CCDC62: variants seen among roughly 807,000 people sequenced by gnomAD.
The protein encoded by CCDC62 is coiled-coil domain containing 62, also known as coiled-coil domain-containing protein 62.
A neutral mutation model predicts 80.8 loss-of-function variants in CCDC62; 72 were observed. That is an observed-to-expected ratio of 0.89 (90% CI 0.74 to 1.08). CCDC62 has a LOEUF of 1.08. Ranked by LOEUF, CCDC62 falls within the 50% of genes least tolerant of loss-of-function variation. The pLI is 0.00. For missense variants in CCDC62, 704 were observed against 809.4 expected, an observed-to-expected ratio of 0.87 and a Z score of 1.58; for synonymous variants, 286 against 296.5, an observed-to-expected ratio of 0.96 and a Z score of 0.36.
At chr12:122,779,354 T>C (rs1265638594) in intron 2 of CCDC62, among the ~76,000 whole-genome samples, 1 of 152,136 alleles carries the variant, frequency 6.6e-6, no homozygotes, top group Non-Finnish European at 1.5e-5. Context: ...TGCAAAATCA[T>C]TTGGCAGCAT....
intron 10 of CCDC62, among the ~76,000 whole-genome samples, chr12:122,810,410 C>A (rs987675508): frequency 5.9e-5 from 9 of 152,174 alleles, no homozygotes; most frequent in African/African-American, 2.2e-4. Context: ...CCAACAGACA[C>A]ATGAAAAAAT....
intron 11 of CCDC62, among the ~76,000 whole-genome samples, chr12:122,821,054 TG>T (rs1239396280): frequency 6.6e-6 from 1 of 152,008 alleles, no homozygotes; most frequent in African/African-American, 2.4e-5. Context: ...CGGAATGCAC[TG>T]GGGTCTTTCC....
At chr12:122,826,360 A>G in intron 12 of CCDC62, 62 bp from the exon 13 acceptor site, 1 of 766,384 alleles carries the variant, frequency 1.3e-6, no homozygotes, top group Non-Finnish European at 2.4e-6. Context: ...AGCTTATAGC[A>G]TGCTCTCCAA....
chr12:122,781,466 A>G, intron 3 of CCDC62, 136 bp downstream of exon 3: 1 of 735,682 alleles, frequency 1.4e-6, no homozygotes, highest in Middle Eastern at 2.8e-4. Flanking sequence ...CAGGTGGATC[A>G]CCTGAGGTCA....
intron 2 of CCDC62, among the ~76,000 whole-genome samples, chr12:122,779,308 G>A (rs560071337): frequency 6.6e-6 from 1 of 152,320 alleles, no homozygotes; most frequent in South Asian, 2.1e-4. Flanking sequence ...GGAAAGCTGA[G>A]ACGCTGCTGG....
At chr12:122,784,591 G>A (rs2030094312) in intron 3 of CCDC62, among the ~76,000 whole-genome samples, 1 of 152,146 alleles carries the variant, frequency 6.6e-6, no homozygotes, top group Admixed American at 6.5e-5. Context: ...AGCACTTTGG[G>A]AGGCCAAGGT....
intron 2 of CCDC62, among the ~76,000 whole-genome samples, chr12:122,780,313 C>T (rs1380818355): frequency 3.2e-4 from 33 of 102,490 alleles, no homozygotes; most frequent in South Asian, 2.1e-3. Context: ...TCCGTCTCAA[C>T]GAAAAAAAAA....
At chr12:122,817,920 T>C (rs2032235386) in intron 11 of CCDC62, among the ~76,000 whole-genome samples, 2 of 152,066 alleles carry the variant, frequency 1.3e-5, no homozygotes. Context: ...CTCAGGACCC[T>C]TCTCCACCTT....
At position 122,774,606 on chromosome 12, in the gene CCDC62, C is replaced by T; in HGVS notation, c.-65C>T. 1 of 1,189,412 alleles carries T rather than the reference C, an allele frequency of 8.4e-7. No homozygotes were observed. The highest frequency in any genetic ancestry group is 1.1e-6 in the Non-Finnish European group (1 of 939,368). The allele number at this position is 1,189,412 out of a possible 1,614,324, so 73.7% of individuals were successfully genotyped here. A position where few individuals can be genotyped will look rare whatever the true frequency, so the allele number is the denominator to read the frequency against. The stretch of plus-strand genomic sequence containing the variant: ...TCGCCCCCGCCGCTCGGGGCAGGCG[C>T]GCCGATGGCGTTTCTGAGGTGACGC... On this transcript the variant is annotated 5_prime_UTR_variant, in exon 1 of 13. Coordinates refer to ENST00000253079, the MANE Select transcript of CCDC62 (RefSeq NM_201435.5).
Position 122,801,248 on chromosome 12 carries a change from T to C in CCDC62, c.1102T>C (p.Ser368Pro), listed in dbSNP as rs775504326. The C allele has an allele frequency of 6.2e-7, 1 of 1,614,032 alleles. No individual in the cohort carries two copies. Residue 368 changes from serine to proline, a missense_variant, in exon 9 of 13, where the codon TCA becomes CCA. Transcript: ENST00000253079. ...FEAMLVQQNR[S>P]DKSSCDECKE... Reference sequence around the variant, plus strand: ...AGCCATGTTGGTTCAGCAAAATAGGTCAGACAAGAGCTCTTGCGATGAATG... The same window carrying C: ...AGCCATGTTGGTTCAGCAAAATAGGCCAGACAAGAGCTCTTGCGATGAATG...
At chr12:122,810,775 G>A (rs2031833846) in intron 10 of CCDC62, among the ~76,000 whole-genome samples, 1 of 152,078 alleles carries the variant, frequency 6.6e-6, no homozygotes, top group Non-Finnish European at 1.5e-5. Context: ...CAACCCAAAT[G>A]TCCAAAAATG....
intron 3 of CCDC62, among the ~76,000 whole-genome samples, chr12:122,783,583 T>C (rs181398599): frequency 8.5e-5 from 13 of 152,270 alleles, no homozygotes; most frequent in African/African-American, 2.4e-4. Context: ...AATGAGTCTT[T>C]ATTCATAATA....
Position 122,826,686 on chromosome 12 carries a change from G to T in CCDC62, c.*305G>T, listed in dbSNP as rs2032644435. ...TGCTAAGAATGAAAAAGACTTCTCT[G>T]TAAAGATACGGACTACAGTTAAATG... On this transcript the variant is annotated 3_prime_UTR_variant, in exon 13 of 13. Transcript: ENST00000253079. 9.6e-6 allele frequency: 4 copies of T among 418,122 alleles called. No homozygotes were observed. The East Asian group carries it at 1.4e-4, about 15-fold the overall frequency. The allele number at this position is 418,122 out of a possible 1,614,324, so 25.9% of individuals were successfully genotyped here.
In CCDC62 at chr12:122,792,111, G is replaced by T. The variant is rs760146684; in HGVS notation, c.762G>T (p.Leu254Phe). ...KQEKSCLHDE[L>F]LFTVEREKRK... Reference sequence around the variant, plus strand: ...AGAAAAGTTGCCTGCACGATGAATTGCTTTTTACTGGTAAAACAGATGATC... The same window carrying T: ...AGAAAAGTTGCCTGCACGATGAATTTCTTTTTACTGGTAAAACAGATGATC... Residue 254 changes from leucine (L) to phenylalanine (F), a missense_variant, in exon 6 of 13, where the codon TTG becomes TTT. Transcript: ENST00000253079. The T allele has an allele frequency of 1.3e-6, 2 of 1,598,240 alleles. No homozygotes were observed. The highest frequency in any genetic ancestry group is 1.7e-6 in the Non-Finnish European group (2 of 1,165,888).
At position 122,788,875 on chromosome 12, in the gene CCDC62, C is replaced by G. The variant is rs952306924; in HGVS notation, c.616C>G (p.Gln206Glu). ...GGAGACTTGTATTGTGAAAGAAAAG[C>G]AAGATTATAAGCAGAAATTGAAGGC... ...MAETCIVKEK[Q>E]DYKQKLKALK... The change falls in exon 5 of 13, where the codon CAA becomes GAA. Residue 206 changes from glutamine to glutamate, a missense_variant. Coordinates refer to ENST00000253079, the MANE Select transcript of CCDC62 (RefSeq NM_201435.5). 3.7e-6 allele frequency: 6 copies of G among 1,611,242 alleles called. No individual in the cohort carries two copies. The highest frequency in any genetic ancestry group is 5.1e-6 in the Non-Finnish European group (6 of 1,179,438).
chr12:122,787,171 G>A (rs1253862876), intron 4 of CCDC62, among the ~76,000 whole-genome samples: 1 of 150,832 alleles, frequency 6.6e-6, no homozygotes, highest in Non-Finnish European at 1.5e-5. Context: ...CTGGAGGCCG[G>A]GTGCCGTGGC....
intron 3 of CCDC62, among the ~76,000 whole-genome samples, chr12:122,782,463 G>C (rs920007472): frequency 6.6e-6 from 1 of 152,024 alleles, no homozygotes; most frequent in Non-Finnish European, 1.5e-5. Context: ...CTAAATTATT[G>C]TGTGTTTTTT....
intron 10 of CCDC62, among the ~76,000 whole-genome samples, chr12:122,811,568 G>A (rs1433764101): frequency 1.2e-4 from 18 of 148,006 alleles, no homozygotes; most frequent in Middle Eastern, 3.6e-3. Context: ...GCCTGTACTC[G>A]CAGCACTTTT....
rs200260774 is a variant in CCDC62 at position 122,774,713 on chromosome 12, A to C, written c.36+7A>C. 125 of 1,254,554 alleles carry C rather than the reference A, an allele frequency of 1.0e-4. No homozygotes were observed. The African/African-American group carries it at 1.7e-3, about 17-fold the overall frequency. The allele number at this position is 1,254,554 out of a possible 1,614,324, so 77.7% of individuals were successfully genotyped here. The stretch of plus-strand genomic sequence containing the variant: ...CTTCCTTGCCGGGCGCCAGGTAAGC[A>C]GCGGTTCCGGGCGCGGCGGGGCGCC... On this transcript the variant is annotated splice_region_variant and intron_variant, in intron 1 of 12. Coordinates refer to ENST00000253079, the MANE Select transcript of CCDC62 (RefSeq NM_201435.5).
Sources: allele counts gnomAD v4.1 joint callset (sites outside exome capture counted in the v4.1 genomes callset), GRCh38; gene constraint gnomAD v4.1.1; transcripts MANE v1.5; gene names NCBI Gene and HGNC (gene_info 2026-07-23, HGNC 2026-07-21).